Variants in LHFPL2 observed in about 807,000 individuals in gnomAD.
LHFPL2 encodes LHFPL tetraspan subfamily member 2, also known as LHFPL tetraspan subfamily member 2 protein.
LHFPL2 carries 7 observed loss-of-function variants against 17.5 expected under a neutral mutation model. That is an observed-to-expected ratio of 0.40 (90% CI 0.23 to 0.75). The LOEUF is 0.75. Among genes scored for constraint, LHFPL2 ranks in the 30% least tolerant of loss-of-function variants. LHFPL2 has a pLI of 0.37. For synonymous variants in LHFPL2, 134 were observed against 116.2 expected (o/e 1.15, Z -0.99); for missense variants, 241 against 294.8 (o/e 0.82, Z 1.34).
chr5:78,584,114 G>A (rs1743270677), intron 2 of LHFPL2, among the ~76,000 whole-genome samples: 1 of 150,336 alleles, frequency 6.7e-6, no homozygotes, highest in Non-Finnish European at 1.5e-5. Context: ...TAGTTCTCGA[G>A]CCTTGGTTTT....
intron 1 of LHFPL2, chr5:78,644,412 G>T: frequency 1.3e-6 from 1 of 753,680 alleles, no homozygotes; most frequent in Non-Finnish European, 2.2e-6. Flanking sequence ...CAGCTTCACA[G>T]CCTTTTCATA....
chr5:78,620,499 T>G (rs1033993254), intron 2 of LHFPL2, among the ~76,000 whole-genome samples: 1 of 152,196 alleles, frequency 6.6e-6, no homozygotes, highest in Admixed American at 6.5e-5. Context: ...AGCAACAGAT[T>G]GAAAAGCACC....
chr5:78,607,078 C>T (rs1450464542), intron 2 of LHFPL2, among the ~76,000 whole-genome samples: 1 of 152,148 alleles, frequency 6.6e-6, no homozygotes, highest in African/African-American at 2.4e-5. Context: ...CAGTCTGTCT[C>T]TTTTACTAAT....
intron 3 of LHFPL2, among the ~76,000 whole-genome samples, chr5:78,519,709 G>T (rs181435488): frequency 1.3e-3 from 201 of 152,336 alleles, no homozygotes; most frequent in Non-Finnish European, 2.1e-3. Flanking sequence ...CTTAGCACAT[G>T]GCCAGCACTC....
At chr5:78,580,508 G>C (rs1371944790) in intron 2 of LHFPL2, among the ~76,000 whole-genome samples, 1 of 147,662 alleles carries the variant, frequency 6.8e-6, no homozygotes, top group Non-Finnish European at 1.5e-5. Context: ...AATTCATCTT[G>C]AATTGATTTT....
intron 3 of LHFPL2, among the ~76,000 whole-genome samples, chr5:78,563,975 T>C (rs1251923250): frequency 6.6e-6 from 1 of 152,222 alleles, no homozygotes; most frequent in Admixed American, 6.5e-5. Context: ...TTCCCTAGAA[T>C]CTGCAAGCTA....
chr5:78,615,821 C>T (rs1580860394), intron 2 of LHFPL2, among the ~76,000 whole-genome samples: 1 of 152,186 alleles, frequency 6.6e-6, no homozygotes. Flanking sequence ...AAAAATACAA[C>T]ACCCACACTC....
chr5:78,517,032 A>T (rs1755314192), intron 3 of LHFPL2, among the ~76,000 whole-genome samples: 1 of 152,208 alleles, frequency 6.6e-6, no homozygotes, highest in African/African-American at 2.4e-5. Flanking sequence ...TCTCCTCCAG[A>T]GTTGGGCTGG....
chr5:78,513,563 A>G (rs753014893), intron 3 of LHFPL2, among the ~76,000 whole-genome samples: 1 of 152,172 alleles, frequency 6.6e-6, no homozygotes, highest in Non-Finnish European at 1.5e-5. Context: ...GATATGGTTT[A>G]GCTGTGTCCG....
Position 78,558,284 on chromosome 5 carries a change from C to T in LHFPL2, c.-186+6529G>A, listed in dbSNP as rs75684978. 3.3e-3 allele frequency among the ~76,000 whole-genome samples: 508 copies of T among 152,358 alleles called. 4 individuals are homozygous for T. The highest frequency in any genetic ancestry group is 0.011 in the African/African-American group (468 of 41,580). On this transcript the variant is annotated intron_variant, in intron 3 of 4. Transcript: ENST00000380345. ...GGGATGATAAGGGGACACCCCTACA[C>T]GATCCCAGTGTACGCTCATTCATCT... is the stretch of plus-strand genomic sequence containing the variant.
At chr5:78,610,419 C>A (rs1744378697) in intron 2 of LHFPL2, among the ~76,000 whole-genome samples, 1 of 152,190 alleles carries the variant, frequency 6.6e-6, no homozygotes, top group African/African-American at 2.4e-5. Context: ...AGCCACTGGG[C>A]CCCCAGGAGA....
chr5:78,593,205 G>A (rs1743705671), intron 2 of LHFPL2, among the ~76,000 whole-genome samples: 1 of 152,014 alleles, frequency 6.6e-6, no homozygotes, highest in Admixed American at 6.6e-5. Flanking sequence ...TTTTCCCGGG[G>A]AGCAGACACA....
intron 3 of LHFPL2, among the ~76,000 whole-genome samples, chr5:78,552,342 C>T (rs190424272): frequency 4.1e-4 from 63 of 152,274 alleles, no homozygotes; most frequent in Admixed American, 4.0e-3. Context: ...ACCGTGTTAA[C>T]CAGGATGGCC....
intron 1 of LHFPL2, among the ~76,000 whole-genome samples, chr5:78,646,022 T>G (rs1580890513): frequency 6.6e-6 from 1 of 152,262 alleles, no homozygotes; most frequent in African/African-American, 2.4e-5. Context: ...TGTTCATTAC[T>G]ATAGTTTTCT....
intron 4 of LHFPL2, among the ~76,000 whole-genome samples, chr5:78,508,934 C>G (rs1198615333): frequency 1.3e-5 from 2 of 152,166 alleles, no homozygotes; most frequent in Non-Finnish European, 2.9e-5. Flanking sequence ...ATTTCTGTCA[C>G]CCAGAACAAG....
chr5:78,502,939 T>C (rs1276469315), intron 4 of LHFPL2, among the ~76,000 whole-genome samples: 1 of 141,932 alleles, frequency 7.0e-6, no homozygotes, highest in African/African-American at 2.5e-5. Flanking sequence ...AGCATTTTAA[T>C]ATTGGCTTCA....
At chr5:78,643,171 T>C (rs1745739701) in intron 1 of LHFPL2, among the ~76,000 whole-genome samples, 1 of 152,158 alleles carries the variant, frequency 6.6e-6, no homozygotes, top group African/African-American at 2.4e-5. Flanking sequence ...GTCCAACAAC[T>C]ACTGTCAGCG....
intron 1 of LHFPL2, chr5:78,644,479 C>A: frequency 1.6e-6 from 1 of 620,464 alleles, no homozygotes. Flanking sequence ...TTCTTTACAA[C>A]TCACCAATGG....
intron 2 of LHFPL2, among the ~76,000 whole-genome samples, chr5:78,572,484 GTATATATATGTGTGTA>G (rs1561344844): frequency 6.8e-6 from 1 of 146,026 alleles, no homozygotes. Flanking sequence ...ATATATATGT[GTATATATATGTGTGTA>G]TATATATATA....
Sources: gnomAD v4.1 joint callset for allele counts (sites outside exome capture counted in the v4.1 genomes callset) on GRCh38, gnomAD v4.1.1 for gene constraint, MANE v1.5 for transcripts, NCBI Gene and HGNC (gene_info 2026-07-23, HGNC 2026-07-21) for gene names.